Variants in NACC2 observed in about 807,000 individuals in gnomAD.
The protein encoded by NACC2 is NACC family member 2, also known as nucleus accumbens-associated protein 2.
A neutral mutation model predicts 25.1 loss-of-function variants in NACC2; 8 were observed. The observed-to-expected ratio is 0.32, with a 90% CI of 0.19 to 0.57. The LOEUF is 0.57. Among genes scored for constraint, NACC2 ranks in the 20% least tolerant of loss-of-function variants. The probability of loss-of-function intolerance (pLI) is 0.89; values close to 1 mark genes in which losing one functional copy is unlikely to be tolerated. For missense variants in NACC2, 644 were observed against 650.2 expected (o/e 0.99, Z 0.10); for synonymous variants, 435 against 294.7 (o/e 1.48, Z -4.88).
chr9:136,030,244 A>T (rs1322798856), intron 2 of NACC2, among the ~76,000 whole-genome samples: 1 of 152,088 alleles, frequency 6.6e-6, no homozygotes, highest in Non-Finnish European at 1.5e-5. Flanking sequence ...CTGTACAAAA[A>T]CAGGACACGG....
chr9:136,080,886 C>T (rs1464098781), intron 1 of NACC2, among the ~76,000 whole-genome samples: 1 of 152,168 alleles, frequency 6.6e-6, no homozygotes, highest in African/African-American at 2.4e-5. Context: ...GCAGAGCCGC[C>T]CCTGCGTGCT....
In NACC2 at chr9:136,051,901, AGGAGGAGGAGATGGT is replaced by A. The variant is rs1667489822; in HGVS notation, c.-59-1336_-59-1322del. 2.5e-5 allele frequency among the ~76,000 whole-genome samples: 3 copies of A among 118,006 alleles called. No homozygotes were observed. In the South Asian group the frequency reaches 8.2e-4, roughly 32 times the overall value. The allele number at this position is 118,006 out of a possible 152,430, so 77.4% of individuals were successfully genotyped here. A position where few individuals can be genotyped will look rare whatever the true frequency, so the allele number is the denominator to read the frequency against. On this transcript the variant is annotated intron_variant, in intron 1 of 5. Coordinates refer to ENST00000277554, the MANE Select transcript of NACC2 (RefSeq NM_144653.5). Reference sequence around the variant, plus strand: ...AAGGAGGAGGAGGAGGAGGAGGAGGAGGAGGAGGAGATGGTGGAGGAGGAGGAGGAGGAGGAGGGC... The same window carrying A: ...AAGGAGGAGGAGGAGGAGGAGGAGGAGGAGGAGGAGGAGGAGGAGGAGGGC...
chr9:136,080,741 G>A (rs1162226317), intron 1 of NACC2, among the ~76,000 whole-genome samples: 1 of 152,200 alleles, frequency 6.6e-6, no homozygotes, highest in Non-Finnish European at 1.5e-5. Flanking sequence ...CTCCAGACAC[G>A]TGGAGACGGG....
In NACC2 at chr9:136,027,872, A is replaced by G. The variant is rs541757745; in HGVS notation, c.887-11443T>C. 1.9e-3 allele frequency among the ~76,000 whole-genome samples: 293 copies of G among 152,302 alleles called. 1 individual carries two copies. Among genetic ancestry groups the G allele is most frequent in the South Asian group, 3.1e-3 (15 of 4,830 alleles). On this transcript the variant is annotated intron_variant, in intron 2 of 5. Transcript: ENST00000277554. ...AATAAAAAAATATATAAATACATAC[A>G]TAAGAGAAAAAATCCAGAAGTTGGT... is the stretch of plus-strand genomic sequence containing the variant.
chr9:136,079,073 A>C (rs1007127639), intron 1 of NACC2, among the ~76,000 whole-genome samples: 1 of 147,980 alleles, frequency 6.8e-6, no homozygotes, highest in African/African-American at 2.5e-5. Context: ...TTTTTTTTTT[A>C]AGTGCACACG....
At chr9:136,085,722 T>C (rs1352920701) in intron 1 of NACC2, among the ~76,000 whole-genome samples, 2 of 152,236 alleles carry the variant, frequency 1.3e-5, no homozygotes, top group African/African-American at 4.8e-5. Context: ...AAAATGTTCT[T>C]TGTACAATAC....
chr9:136,061,880 G>T (rs1841015324), intron 1 of NACC2, among the ~76,000 whole-genome samples: 1 of 152,058 alleles, frequency 6.6e-6, no homozygotes, highest in Admixed American at 6.6e-5. Context: ...AGCACTTTGG[G>T]AGGCCAAGGC....
At chr9:136,063,981 A>G (rs1439351995) in intron 1 of NACC2, among the ~76,000 whole-genome samples, 1 of 152,086 alleles carries the variant, frequency 6.6e-6, no homozygotes, top group African/African-American at 2.4e-5. Context: ...ACACTGTTAG[A>G]GCCCCCAGAA....
In NACC2 at chr9:136,019,794, GCCCCCGCC is replaced by G. The variant is rs1273755026; in HGVS notation, c.887-3373_887-3366del. Among the ~76,000 whole-genome samples, 1 of 152,014 alleles carries G rather than the reference GCCCCCGCC, an allele frequency of 6.6e-6. No individual in the cohort carries two copies. The highest frequency in any genetic ancestry group is 1.5e-5 in the Non-Finnish European group (1 of 67,952). ...TGGGGCCTTCAGGGACCCAGAAGGA[GCCCCCGCC>G]GTACCTTCCAGGCCCTTCTGCTCCC... On this transcript the variant is annotated intron_variant, in intron 2 of 5. Coordinates refer to ENST00000277554, the MANE Select transcript of NACC2 (RefSeq NM_144653.5). The surrounding 1 kb of genome is among the most constrained non-coding windows in gnomAD (Gnocchi z 5.2).
chr9:136,028,608 A>G (rs1840431410), intron 2 of NACC2, among the ~76,000 whole-genome samples: 1 of 151,970 alleles, frequency 6.6e-6, no homozygotes, highest in African/African-American at 2.4e-5. Flanking sequence ...CGCTCCATGG[A>G]GCTGGCAGGA....
intron 2 of NACC2, among the ~76,000 whole-genome samples, chr9:136,023,318 C>T (rs1840326576): frequency 6.6e-6 from 1 of 151,916 alleles, no homozygotes; most frequent in South Asian, 2.1e-4. Context: ...GAGGGGCCGG[C>T]ATGACCCTGC....
chr9:136,094,823 G>A (rs1588588847), intron 1 of NACC2, among the ~76,000 whole-genome samples: 1 of 151,928 alleles, frequency 6.6e-6, no homozygotes, highest in East Asian at 2.0e-4. Context: ...TCCCTGGGGA[G>A]GCCGCGCGGG....
intron 2 of NACC2, among the ~76,000 whole-genome samples, chr9:136,025,830 G>T (rs541029694): frequency 6.6e-6 from 1 of 152,014 alleles, no homozygotes; most frequent in South Asian, 2.1e-4. Context: ...CAGGAGAATC[G>T]CTTGAACCCA....
intron 1 of NACC2, among the ~76,000 whole-genome samples, chr9:136,092,105 T>C (rs889001943): frequency 1.3e-5 from 2 of 152,062 alleles, no homozygotes; most frequent in African/African-American, 4.8e-5. Flanking sequence ...TGGGGCCCAG[T>C]GGGGAGACAA....
intron 2 of NACC2, among the ~76,000 whole-genome samples, chr9:136,037,614 TCTC>T (rs1450924241): frequency 6.6e-6 from 1 of 151,932 alleles, no homozygotes; most frequent in Non-Finnish European, 1.5e-5. Flanking sequence ...TTCAAGCGAT[TCTC>T]CTGTCTCAGC....
rs1840150452 is a variant in NACC2, at chr9:136,013,720, T to G, written c.1157+144A>C. ...CTCCCTGGGAGCCTCTCCACCGTCC[T>G]GGGGCCGACCGGCCACGGCTGAAGT... On this transcript the variant is annotated intron_variant, in intron 4 of 5. Transcript: ENST00000277554. The surrounding 1 kb of genome is among the most constrained non-coding windows in gnomAD (Gnocchi z 6.6). 2.9e-6 allele frequency: 2 copies of G among 690,704 alleles called. No individual in the cohort carries two copies. The highest frequency in any genetic ancestry group is 4.8e-6 in the Non-Finnish European group (2 of 418,282). 42.8% of individuals were successfully genotyped at this position (690,704 alleles called of 1,614,324 possible).
At chr9:136,082,154 G>A (rs1830330902) in intron 1 of NACC2, among the ~76,000 whole-genome samples, 1 of 152,242 alleles carries the variant, frequency 6.6e-6, no homozygotes. Flanking sequence ...GACCGCCCAG[G>A]ACTCCCAGCA....
chr9:136,049,315 C>A (rs1249882585), intron 2 of NACC2, among the ~76,000 whole-genome samples: 1 of 152,202 alleles, frequency 6.6e-6, no homozygotes, highest in African/African-American at 2.4e-5. Context: ...CCGTACACCG[C>A]GTGGCGCCAG....
In NACC2 at chr9:136,010,853, T is replaced by TG. The variant is rs1840094251; in HGVS notation, c.*662dup. On this transcript the variant is annotated 3_prime_UTR_variant, in exon 6 of 6. Transcript: ENST00000277554. The surrounding 1 kb of genome is among the most constrained non-coding windows in gnomAD (Gnocchi z 4.9). ...GATCGGGCAGAACAAGGACAGGGTG[T>TG]GGGGGCAGAGTAAAGTACCCTTTTC... is the stretch of plus-strand genomic sequence containing the variant. 1 of 151,940 alleles carries TG rather than the reference T, an allele frequency of 6.6e-6. No homozygotes were observed. Among genetic ancestry groups the TG allele is most frequent in the Non-Finnish European group, 1.5e-5 (1 of 68,012 alleles). 9.4% of individuals were successfully genotyped at this position (151,940 alleles called of 1,614,324 possible).
Sources: gnomAD v4.1 joint callset for allele counts (sites outside exome capture counted in the v4.1 genomes callset) on GRCh38, gnomAD v4.1.1 for gene constraint, Gnocchi (gnomAD v3.1) non-coding constraint, MANE v1.5 for transcripts, NCBI Gene and HGNC (gene_info 2026-07-23, HGNC 2026-07-21) for gene names.